The following IQCK variants were observed in gnomAD, a reference collection of about 807,000 sequenced individuals.
IQCK encodes the protein IQ domain-containing protein K.
IQCK carries 29 observed loss-of-function variants against 28.1 expected under a neutral mutation model. The observed-to-expected ratio is 1.03, with a 90% CI of 0.77 to 1.41. The LOEUF (loss-of-function observed/expected upper bound fraction) is 1.41. Ranked by LOEUF, IQCK falls within the 40% of genes most tolerant of loss-of-function variation. The pLI is 0.00. For missense variants in IQCK, 359 were observed against 314.7 expected (o/e 1.14, Z -1.07); for synonymous variants, 113 against 115.1 (o/e 0.98, Z 0.12).
At chr16:19,816,197 T>C (rs1296815574) in intron 7 of IQCK, among the ~76,000 whole-genome samples, 2 of 152,224 alleles carry the variant, frequency 1.3e-5, no homozygotes, top group Non-Finnish European at 2.9e-5. Flanking sequence ...CTGAGGAATT[T>C]AGAAGTCTAG....
intron 4 of IQCK, among the ~76,000 whole-genome samples, chr16:19,763,594 C>G (rs1052977320): frequency 1.3e-5 from 2 of 152,136 alleles, no homozygotes; most frequent in African/African-American, 4.8e-5. Context: ...AGGTGCCCAC[C>G]ACCACGCCTG....
At chr16:19,730,251 C>T (rs1450304170) in intron 1 of IQCK, among the ~76,000 whole-genome samples, 179 bp from the exon 2 acceptor site, 6 of 152,304 alleles carry the variant, frequency 3.9e-5, no homozygotes, top group South Asian at 2.1e-4. Context: ...CCACCGCACC[C>T]GGCCTCTTGC....
At chr16:19,754,406 CTGGGT>C (rs2055025118) in intron 4 of IQCK, among the ~76,000 whole-genome samples, 1 of 152,180 alleles carries the variant, frequency 6.6e-6, no homozygotes, top group Non-Finnish European at 1.5e-5. Flanking sequence ...AATGTGGACT[CTGGGT>C]AGAGGCCATA....
At chr16:19,729,510 C>G (rs1977761690) in intron 1 of IQCK, among the ~76,000 whole-genome samples, 1 of 152,072 alleles carries the variant, frequency 6.6e-6, no homozygotes, top group Non-Finnish European at 1.5e-5. Flanking sequence ...TAGTTTCCAT[C>G]ATGTTGGCAA....
chr16:19,718,749 C>T (rs528216868), intron 1 of IQCK, among the ~76,000 whole-genome samples: 1 of 152,344 alleles, frequency 6.6e-6, no homozygotes, highest in South Asian at 2.1e-4. Flanking sequence ...ATAAAGAGAA[C>T]CATGCGGTGT....
chr16:19,781,191 G>T (rs2055478501), intron 6 of IQCK, among the ~76,000 whole-genome samples: 1 of 152,156 alleles, frequency 6.6e-6, no homozygotes, highest in Non-Finnish European at 1.5e-5. Flanking sequence ...CAGTTACAAA[G>T]ACGTTAAATA....
At chr16:19,780,177 G>C (rs949404404) in intron 6 of IQCK, among the ~76,000 whole-genome samples, 1 of 151,972 alleles carries the variant, frequency 6.6e-6, no homozygotes, top group Non-Finnish European at 1.5e-5. Context: ...AAGTAGCTGG[G>C]ACTGTAGGCA....
At chr16:19,799,637 CA>C (rs1331224428) in intron 7 of IQCK, among the ~76,000 whole-genome samples, 3,522 of 137,994 alleles carry the variant, frequency 0.026, 615 homozygotes, top group African/African-American at 0.11. Flanking sequence ...CACACACACA[CA>C]CACCCAGTGA....
chr16:19,810,390 A>T (rs2055888157), intron 7 of IQCK, among the ~76,000 whole-genome samples: 1 of 151,890 alleles, frequency 6.6e-6, no homozygotes, highest in Non-Finnish European at 1.5e-5. Flanking sequence ...CCAGCTACTC[A>T]GGAGGCTGAG....
At chr16:19,734,323 C>A (rs1977935715) in intron 3 of IQCK, among the ~76,000 whole-genome samples, 1 of 152,030 alleles carries the variant, frequency 6.6e-6, no homozygotes, top group Non-Finnish European at 1.5e-5. Flanking sequence ...ATGGTGAAAC[C>A]CTGTCTCTAC....
chr16:19,840,990 C>A (rs1465601658), intron 9 of IQCK, among the ~76,000 whole-genome samples: 1 of 152,222 alleles, frequency 6.6e-6, no homozygotes, highest in East Asian at 1.9e-4. Context: ...CTGTGAGCAC[C>A]AGTCCAAGGC....
At chr16:19,738,970 G>A (rs1231828569) in intron 4 of IQCK, among the ~76,000 whole-genome samples, 3 of 152,200 alleles carry the variant, frequency 2.0e-5, no homozygotes, top group Non-Finnish European at 4.4e-5. Flanking sequence ...CTCTCTGGAA[G>A]CATTTCTCAC....
intron 9 of IQCK, among the ~76,000 whole-genome samples, chr16:19,843,956 A>C (rs1318853217): frequency 6.6e-6 from 1 of 152,186 alleles, no homozygotes; most frequent in Non-Finnish European, 1.5e-5. Context: ...CATTGTATGA[A>C]GGTATCACAT....
intron 4 of IQCK, among the ~76,000 whole-genome samples, chr16:19,744,404 T>C (rs992186193): frequency 1.3e-5 from 2 of 152,190 alleles, no homozygotes; most frequent in Non-Finnish European, 2.9e-5. Context: ...GTCCTGGGAT[T>C]ACAGGGATAA....
intron 4 of IQCK, among the ~76,000 whole-genome samples, chr16:19,752,307 T>A (rs2054997013): frequency 6.6e-6 from 1 of 152,240 alleles, no homozygotes. Flanking sequence ...TTCTGATGCA[T>A]CTCTGAAAAT....
rs1310276120 is a variant in IQCK at position 19,759,829 on chromosome 16, ATATAT to A, written c.475-4016_475-4012del. ...CTCATCTCTACAAAAAGTTTTAAAAATATATTAGCCAGGTGTGGTGGTGCATGCCT... is the reference window on the plus strand; with the variant it reads ...CTCATCTCTACAAAAAGTTTTAAAAATAGCCAGGTGTGGTGGTGCATGCCT... On this transcript the variant is annotated intron_variant, in intron 4 of 7. Transcript: ENST00000564186. Among the ~76,000 whole-genome samples, 3 of 152,144 alleles carry A rather than the reference ATATAT, an allele frequency of 2.0e-5. No individual in the cohort carries two copies. In the South Asian group the frequency reaches 6.2e-4, roughly 32 times the overall value.
At chr16:19,809,022 TA>T (rs2055867387) in intron 7 of IQCK, among the ~76,000 whole-genome samples, 1 of 152,154 alleles carries the variant, frequency 6.6e-6, no homozygotes. Flanking sequence ...CACGGCCAGC[TA>T]ATTTTCTGTA....
chr16:19,743,345 A>G (rs1404870477), intron 4 of IQCK, among the ~76,000 whole-genome samples: 1 of 152,152 alleles, frequency 6.6e-6, no homozygotes, highest in Non-Finnish European at 1.5e-5. Flanking sequence ...GAGGGAGGTA[A>G]ACAATGGGGA....
chr16:19,776,425 C>T (rs1411127582), intron 6 of IQCK, among the ~76,000 whole-genome samples: 3 of 152,118 alleles, frequency 2.0e-5, no homozygotes, highest in Non-Finnish European at 4.4e-5. Flanking sequence ...GATGCCATGT[C>T]CTGGGCACGG....
Sources: allele counts gnomAD v4.1 joint callset (sites outside exome capture counted in the v4.1 genomes callset), GRCh38; gene constraint gnomAD v4.1.1; transcripts MANE v1.5; gene names NCBI Gene and HGNC (gene_info 2026-07-23, HGNC 2026-07-21).